Variants in GALNT13 observed in about 807,000 individuals in gnomAD.
The protein encoded by GALNT13 is UDP-GalNAc:polypeptide N-acetylgalactosaminyltransferase 13.
Under a neutral mutation model 64.2 loss-of-function variants are expected in GALNT13, and 28 were observed. That is an observed-to-expected ratio of 0.44 (90% CI 0.32 to 0.60). GALNT13 has a LOEUF of 0.60. Ranked by LOEUF, GALNT13 falls within the 20% of genes least tolerant of loss-of-function variation. GALNT13 has a pLI of 0.05. For missense variants in GALNT13, 577 were observed against 669.8 expected (o/e 0.86, Z 1.53); for synonymous variants, 214 against 224.6 (o/e 0.95, Z 0.42).
At chr2:153,664,069 A>G in the GALNT13 span, among the ~76,000 whole-genome samples, 1 of 152,172 alleles carries the variant, frequency 6.6e-6, no homozygotes, top group Admixed American at 6.5e-5. Flanking sequence ...CTGGGCACGT[A>G]TTGTCTTGAT....
chr2:153,890,003 C>T (rs1454037127), intron 1 of GALNT13, among the ~76,000 whole-genome samples: 1 of 151,762 alleles, frequency 6.6e-6, no homozygotes, highest in Non-Finnish European at 1.5e-5. Flanking sequence ...GTCTGCCCTA[C>T]TGAAGTCTCA....
At chr2:153,713,301 T>C in the GALNT13 span, among the ~76,000 whole-genome samples, 2 of 152,224 alleles carry the variant, frequency 1.3e-5, no homozygotes, top group Non-Finnish European at 2.9e-5. Context: ...ACTAACTGGC[T>C]TGAGAGCCAG....
intron 9 of GALNT13, among the ~76,000 whole-genome samples, chr2:154,391,600 G>A (rs905880003): frequency 6.6e-6 from 1 of 152,150 alleles, no homozygotes; most frequent in Non-Finnish European, 1.5e-5. Flanking sequence ...TTTTACCAGA[G>A]GGCAGAATGG....
At chr2:153,287,172 G>T in the GALNT13 span, among the ~76,000 whole-genome samples, 1 of 152,198 alleles carries the variant, frequency 6.6e-6, no homozygotes, top group African/African-American at 2.4e-5. Context: ...TCGCAGGCAC[G>T]CGATGGGGGT....
chr2:153,184,019 G>T, the GALNT13 span, among the ~76,000 whole-genome samples: 1 of 152,122 alleles, frequency 6.6e-6, no homozygotes, highest in African/African-American at 2.4e-5. Context: ...AATGTCAGTG[G>T]TAGTTTAATG....
At chr2:153,231,463 T>C in the GALNT13 span, among the ~76,000 whole-genome samples, 1 of 152,208 alleles carries the variant, frequency 6.6e-6, no homozygotes, top group Non-Finnish European at 1.5e-5. Context: ...CCTTTGCATC[T>C]TATTCTTAAG....
At chr2:153,143,402 A>C in the GALNT13 span, among the ~76,000 whole-genome samples, 635 of 152,128 alleles carry the variant, frequency 4.2e-3, 6 homozygotes, top group African/African-American at 0.014. Context: ...ACCTGATGCC[A>C]GATACTAGGG....
At chr2:153,671,331 C>T in the GALNT13 span, among the ~76,000 whole-genome samples, 2 of 152,246 alleles carry the variant, frequency 1.3e-5, no homozygotes, top group East Asian at 3.9e-4. Context: ...AAGGGAAGCT[C>T]GTCAGACTAA....
At chr2:153,251,082 T>C in the GALNT13 span, among the ~76,000 whole-genome samples, 1 of 152,298 alleles carries the variant, frequency 6.6e-6, no homozygotes, top group Non-Finnish European at 1.5e-5. Flanking sequence ...ATCTTTTAGA[T>C]AGTAGGTCCT....
the GALNT13 span, among the ~76,000 whole-genome samples, chr2:153,740,876 C>T: frequency 6.6e-6 from 1 of 152,058 alleles, no homozygotes; most frequent in Non-Finnish European, 1.5e-5. Flanking sequence ...CCCCTTTTAG[C>T]TCTCTCCTTT....
the GALNT13 span, among the ~76,000 whole-genome samples, chr2:153,621,901 TAC>T: frequency 6.6e-6 from 1 of 152,142 alleles, no homozygotes; most frequent in East Asian, 1.9e-4. Flanking sequence ...TGGATAGTAA[TAC>T]AGAGTGAAAC....
chr2:153,091,503 G>T, the GALNT13 span, among the ~76,000 whole-genome samples: 1 of 152,126 alleles, frequency 6.6e-6, no homozygotes, highest in African/African-American at 2.4e-5. Context: ...GTGGCATGCT[G>T]CTCCTTTCAA....
intron 9 of GALNT13, among the ~76,000 whole-genome samples, chr2:154,368,628 T>G (rs1316691772): frequency 1.3e-5 from 2 of 152,122 alleles, no homozygotes; most frequent in Non-Finnish European, 2.9e-5. Flanking sequence ...CTTAATTCTG[T>G]TTATGCCATT....
At chr2:153,630,805 ATAT>A in the GALNT13 span, among the ~76,000 whole-genome samples, 491 of 14,986 alleles carry the variant, frequency 0.033, 13 homozygotes, top group East Asian at 0.12. Flanking sequence ...ATATATATAT[ATAT>A]TTTTTTTTTT....
the GALNT13 span, among the ~76,000 whole-genome samples, chr2:153,475,137 G>A: frequency 1.3e-5 from 2 of 152,160 alleles, no homozygotes; most frequent in African/African-American, 4.8e-5. Flanking sequence ...TGTGGCCATC[G>A]GGGAATAGAG....
intron 8 of GALNT13, among the ~76,000 whole-genome samples, chr2:154,269,242 A>AT (rs1221384835): frequency 1.1e-4 from 16 of 152,084 alleles, no homozygotes; most frequent in Non-Finnish European, 2.1e-4. Flanking sequence ...AAAGTAAAGA[A>AT]TTTTCTAAGC....
At chr2:154,079,229 T>A (rs530369455) in intron 3 of GALNT13, among the ~76,000 whole-genome samples, 1 of 151,736 alleles carries the variant, frequency 6.6e-6, no homozygotes, top group African/African-American at 2.4e-5. Context: ...TTGATGAATT[T>A]ATAATTAGTG....
chr2:153,537,065 A>G, the GALNT13 span, among the ~76,000 whole-genome samples: 10 of 152,196 alleles, frequency 6.6e-5, no homozygotes, highest in African/African-American at 2.4e-4. Context: ...AGGCTTTAGT[A>G]GACAAAGTAG....
chr2:153,641,444 A>G, the GALNT13 span, among the ~76,000 whole-genome samples: 1 of 152,162 alleles, frequency 6.6e-6, no homozygotes, highest in African/African-American at 2.4e-5. Flanking sequence ...TTGACATTTC[A>G]TTTGTTAAAG....
Sources: allele counts gnomAD v4.1 joint callset (sites outside exome capture counted in the v4.1 genomes callset), GRCh38; gene constraint gnomAD v4.1.1; transcripts MANE v1.5; gene names NCBI Gene and HGNC (gene_info 2026-07-23, HGNC 2026-07-21).